Variants in CFAP299 observed in about 807,000 individuals in gnomAD.
CFAP299 encodes cilia- and flagella-associated protein 299.
A neutral mutation model predicts 27.0 loss-of-function variants in CFAP299; 21 were observed. The observed-to-expected ratio is 0.78, with a 90% CI of 0.55 to 1.12. The LOEUF (loss-of-function observed/expected upper bound fraction) is 1.12. Ranked by LOEUF, CFAP299 falls within the 50% of genes most tolerant of loss-of-function variation. The pLI is 0.00. For synonymous variants in CFAP299, 104 were observed against 98.1 expected (o/e 1.06, Z -0.36); for missense variants, 310 against 276.6 (o/e 1.12, Z -0.86).
At chr4:80,624,444 A>T (rs1269973485) in intron 3 of CFAP299, among the ~76,000 whole-genome samples, 1 of 151,854 alleles carries the variant, frequency 6.6e-6, no homozygotes, top group Non-Finnish European at 1.5e-5. Context: ...AAATATACAG[A>T]GGAGAAAAAA....
chr4:80,834,632 G>GAA (rs1177279957), intron 3 of CFAP299, among the ~76,000 whole-genome samples: 2 of 152,184 alleles, frequency 1.3e-5, no homozygotes, highest in African/African-American at 4.8e-5. Context: ...TGCTATGATG[G>GAA]AAAAGGGGTA....
chr4:80,552,534 A>G (rs1004149040), intron 2 of CFAP299, among the ~76,000 whole-genome samples: 13 of 152,198 alleles, frequency 8.5e-5, no homozygotes, highest in South Asian at 2.1e-4. Context: ...GTCTCCTAAT[A>G]TATCTTATAA....
chr4:80,697,639 T>C (rs935098993), intron 3 of CFAP299, among the ~76,000 whole-genome samples: 1 of 152,204 alleles, frequency 6.6e-6, no homozygotes, highest in Non-Finnish European at 1.5e-5. Flanking sequence ...GGATGGATCA[T>C]GGCCATCTCT....
intron 2 of CFAP299, among the ~76,000 whole-genome samples, chr4:80,534,777 T>A (rs1733646370): frequency 6.6e-6 from 1 of 152,154 alleles, no homozygotes; most frequent in Non-Finnish European, 1.5e-5. Context: ...AGATATCTTA[T>A]GAGTCACAGT....
At chr4:80,338,920 T>G (rs575842919) in intron 1 of CFAP299, among the ~76,000 whole-genome samples, 1 of 152,228 alleles carries the variant, frequency 6.6e-6, no homozygotes, top group Non-Finnish European at 1.5e-5. Flanking sequence ...AATAATCATA[T>G]AATCTGTGCC....
chr4:80,576,061 G>A (rs1735837048), intron 2 of CFAP299, among the ~76,000 whole-genome samples: 1 of 151,892 alleles, frequency 6.6e-6, no homozygotes, highest in African/African-American at 2.4e-5. Context: ...GGGAGGGATA[G>A]CATTAGGAGA....
At chr4:80,579,091 A>G (rs1403102706) in intron 2 of CFAP299, among the ~76,000 whole-genome samples, 1 of 152,154 alleles carries the variant, frequency 6.6e-6, no homozygotes, top group East Asian at 1.9e-4. Flanking sequence ...TTTCAGTCTC[A>G]TATTCAAGAA....
intron 3 of CFAP299, among the ~76,000 whole-genome samples, chr4:80,633,301 C>T (rs1739311441): frequency 6.6e-6 from 1 of 151,976 alleles, no homozygotes; most frequent in Non-Finnish European, 1.5e-5. Context: ...ACAAAATTAG[C>T]CGGGCATGGT....
At chr4:80,481,287 A>C (rs1730553926) in intron 2 of CFAP299, among the ~76,000 whole-genome samples, 1 of 152,090 alleles carries the variant, frequency 6.6e-6, no homozygotes, top group Non-Finnish European at 1.5e-5. Flanking sequence ...ACAAAAACAA[A>C]ATAATGTGCT....
chr4:80,722,571 A>T (rs1400543561), intron 3 of CFAP299, among the ~76,000 whole-genome samples: 1 of 152,152 alleles, frequency 6.6e-6, no homozygotes, highest in Non-Finnish European at 1.5e-5. Flanking sequence ...TATCTTTTAA[A>T]AGACTTTTAA....
At chr4:80,921,567 T>C (rs1248380382) in intron 4 of CFAP299, among the ~76,000 whole-genome samples, 3 of 151,980 alleles carry the variant, frequency 2.0e-5, no homozygotes, top group African/African-American at 7.3e-5. Context: ...TTAGCATAGA[T>C]CTGAGTAGGA....
intron 3 of CFAP299, among the ~76,000 whole-genome samples, chr4:80,837,214 C>T (rs1209555765): frequency 6.6e-6 from 1 of 151,994 alleles, no homozygotes; most frequent in African/African-American, 2.4e-5. Context: ...GATATTTTAC[C>T]TGTAATTCTT....
chr4:80,572,216 C>T lies in CFAP299; in HGVS notation c.243-10877C>T, dbSNP rs138538162. Among the ~76,000 whole-genome samples the T allele has an allele frequency of 4.1e-4, 62 of 151,958 alleles. No individual in the cohort carries two copies. In the East Asian group the frequency reaches 0.011, roughly 27 times the overall value. ...AACTATTTTGGCTCTTTTAAATGTA[C>T]GATAAAGTACTGTTGACTGTAGTCA... is the stretch of plus-strand genomic sequence containing the variant. On this transcript the variant is annotated intron_variant, in intron 2 of 5. Coordinates refer to ENST00000358105, the MANE Select transcript of CFAP299 (RefSeq NM_152770.3).
intron 3 of CFAP299, among the ~76,000 whole-genome samples, chr4:80,604,091 A>T (rs1737508557): frequency 6.6e-6 from 1 of 152,186 alleles, no homozygotes; most frequent in South Asian, 2.1e-4. Context: ...CCTTACCTTT[A>T]GGAGACTTCA....
intron 3 of CFAP299, among the ~76,000 whole-genome samples, chr4:80,674,157 T>G (rs974580347): frequency 1.3e-5 from 2 of 152,352 alleles, no homozygotes; most frequent in African/African-American, 4.8e-5. Flanking sequence ...CAGTGGCTGG[T>G]ACTGGTGTTT....
the CFAP299 span, among the ~76,000 whole-genome samples, chr4:80,326,135 T>C: frequency 6.6e-6 from 1 of 152,342 alleles, no homozygotes; most frequent in East Asian, 1.9e-4. Context: ...AATCTAGTTG[T>C]CCATATCTTC....
At chr4:80,705,009 A>G (rs1250896386) in intron 3 of CFAP299, among the ~76,000 whole-genome samples, 3 of 151,796 alleles carry the variant, frequency 2.0e-5, no homozygotes, top group Non-Finnish European at 3.0e-5. Context: ...TATAGGATAA[A>G]GTAGAAACTG....
chr4:80,529,335 G>A (rs1733350512), intron 2 of CFAP299, among the ~76,000 whole-genome samples: 1 of 152,010 alleles, frequency 6.6e-6, no homozygotes. Context: ...AGCTTGAAAT[G>A]CCTTCCTTGG....
chr4:80,910,889 A>G (rs1735436007), intron 4 of CFAP299, among the ~76,000 whole-genome samples: 2 of 152,126 alleles, frequency 1.3e-5, no homozygotes, highest in South Asian at 2.1e-4. Flanking sequence ...GTTCTCTACA[A>G]GATTTTTGCT....
Sources: gnomAD v4.1 joint callset for allele counts (sites outside exome capture counted in the v4.1 genomes callset) on GRCh38, gnomAD v4.1.1 for gene constraint, MANE v1.5 for transcripts, NCBI Gene and HGNC (gene_info 2026-07-23, HGNC 2026-07-21) for gene names.